The following ICA1L variants were observed in gnomAD, a reference collection of about 807,000 sequenced individuals.
The protein encoded by ICA1L is islet cell autoantigen 1 like.
ICA1L carries 50 observed loss-of-function variants against 61.3 expected under a neutral mutation model. The ratio of observed to expected loss-of-function variants is 0.82; its 90% confidence interval spans 0.65 to 1.03. ICA1L has a LOEUF of 1.03. Ranked by LOEUF, ICA1L falls within the 50% of genes least tolerant of loss-of-function variation. The probability of loss-of-function intolerance (pLI) is 0.00; values close to 1 mark genes in which losing one functional copy is unlikely to be tolerated. For synonymous variants in ICA1L, 161 were observed against 191.3 expected (o/e 0.84, Z 1.31); for missense variants, 508 against 556.7 (o/e 0.91, Z 0.88).
intron 1 of ICA1L, among the ~76,000 whole-genome samples, chr2:202,837,485 G>A (rs1694186873): frequency 6.7e-6 from 1 of 149,380 alleles, no homozygotes; most frequent in Non-Finnish European, 1.5e-5. Context: ...GGGTTTCACC[G>A]TGGTCTTGAT....
At chr2:202,785,295 A>G (rs1318411170) in intron 12 of ICA1L, among the ~76,000 whole-genome samples, 1 of 152,236 alleles carries the variant, frequency 6.6e-6, no homozygotes. Flanking sequence ...TTCTTTGTCA[A>G]TAGGCATCCT....
intron 10 of ICA1L, among the ~76,000 whole-genome samples, chr2:202,795,072 T>C (rs1189831266): frequency 6.6e-5 from 7 of 105,700 alleles, no homozygotes; most frequent in Non-Finnish European, 7.5e-5. Context: ...AGTTTCCTTT[T>C]CTTTTTTTTT....
chr2:202,828,983 T>C lies in ICA1L; in HGVS notation c.27A>G (p.Pro9=). 2.5e-6 allele frequency: 4 copies of C among 1,593,974 alleles called. No individual in the cohort carries two copies. The highest frequency in any genetic ancestry group is 8.5e-7 in the Non-Finnish European group (1 of 1,172,000). The change falls in exon 2 of 13, where the codon CCA becomes CCG. Residue 9 remains proline (P), a synonymous_variant. Coordinates refer to ENST00000358299, the MANE Select transcript of ICA1L (RefSeq NM_001288622.3). MDSFGQPR[P]EDNQSVVRRM... ...TTCTGACTACTGACTGATTATCTTC[T>C]GGTCTGGGTTGCCCAAAGGAATCCA...
intron 10 of ICA1L, among the ~76,000 whole-genome samples, chr2:202,790,892 A>G (rs1379859199): frequency 8.5e-5 from 13 of 152,244 alleles, no homozygotes; most frequent in Non-Finnish European, 5.9e-5. Context: ...TCTGACTCAG[A>G]GATTTTCCTT....
intron 1 of ICA1L, among the ~76,000 whole-genome samples, chr2:202,831,103 G>C (rs72932780): frequency 0.092 from 14,020 of 152,116 alleles, 767 homozygotes; most frequent in Non-Finnish European, 0.13. Context: ...ATAGAACAAG[G>C]ACAAGCTGTA....
Position 202,788,915 on chromosome 2 carries a change from C to T in ICA1L, c.1158G>A (p.Met386Ile), listed in dbSNP as rs1692667052. 1.2e-6 allele frequency: 2 copies of T among 1,614,112 alleles called. No individual in the cohort carries two copies. The highest frequency in any genetic ancestry group is 1.7e-6 in the Non-Finnish European group (2 of 1,180,000). ...AAGAATGAGCGAGGGGCTCAGACCC[C>T]ATGGAAGGCTCCTGGGATGTGAGAC... Reference protein sequence around the residue: ...SASLTSQEPSMGSEPLAHSSR... With the variant: ...SASLTSQEPSIGSEPLAHSSR... The change falls in exon 11 of 13, where the codon ATG becomes ATA. Residue 386 changes from methionine (M) to isoleucine (I), a missense_variant. By Grantham distance (10) the Met-to-Ile change is conservative (BLOSUM62 1). Coordinates refer to ENST00000358299, the MANE Select transcript of ICA1L (RefSeq NM_001288622.3).
At chr2:202,838,687 G>GT (rs933518501) in intron 1 of ICA1L, among the ~76,000 whole-genome samples, 1 of 152,038 alleles carries the variant, frequency 6.6e-6, no homozygotes, top group Non-Finnish European at 1.5e-5. Flanking sequence ...TCATTTTATA[G>GT]TTTTTTGACA....
chr2:202,784,288 C>A (rs536205671), intron 12 of ICA1L, among the ~76,000 whole-genome samples: 3 of 152,086 alleles, frequency 2.0e-5, no homozygotes, highest in African/African-American at 7.2e-5. Flanking sequence ...CCCATCTCTA[C>A]ACAAAAATTG....
chr2:202,826,798 A>G (rs1559139909), intron 2 of ICA1L, among the ~76,000 whole-genome samples: 1 of 151,564 alleles, frequency 6.6e-6, no homozygotes, highest in Non-Finnish European at 1.5e-5. Flanking sequence ...TACACTAAAT[A>G]ATTTTTATGT....
Position 202,849,953 on chromosome 2 carries a change from C to G in ICA1L, c.-7-20937G>C, listed in dbSNP as rs1694570867. Among the ~76,000 whole-genome samples, 1 of 152,186 alleles carries G rather than the reference C, an allele frequency of 6.6e-6. No homozygotes were observed. Among genetic ancestry groups the G allele is most frequent in the Non-Finnish European group, 1.5e-5 (1 of 68,040 alleles). The stretch of plus-strand genomic sequence containing the variant: ...GGAACAAAGCTTTCAGAGGAAGGAA[C>G]AGGCAGCAATCGTTGCTGTTCTGTA... On this transcript the variant is annotated intron_variant, in intron 1 of 12. Coordinates refer to ENST00000358299, the MANE Select transcript of ICA1L (RefSeq NM_001288622.3). This position sits in a 1 kb window ranked among gnomAD's most constrained non-coding sequence, Gnocchi z 4.5.
chr2:202,802,643 G>GA (rs934245072), intron 9 of ICA1L, among the ~76,000 whole-genome samples: 3 of 148,490 alleles, frequency 2.0e-5, no homozygotes, highest in Non-Finnish European at 4.5e-5. Context: ...CTCAAAAAAA[G>GA]AAAAAAAAAG....
At chr2:202,859,902 G>C (rs1451581472) in intron 1 of ICA1L, among the ~76,000 whole-genome samples, 1 of 152,004 alleles carries the variant, frequency 6.6e-6, no homozygotes, top group Admixed American at 6.6e-5. Context: ...AAAATGGCAG[G>C]TTTTATTATC....
Position 202,825,719 on chromosome 2 carries a change from C to T in ICA1L, c.211G>A (p.Glu71Lys), listed in dbSNP as rs747898813. The change falls in exon 3 of 13, where the codon GAG (glutamate) becomes AAG (lysine). Residue 71 changes from glutamate to lysine, a missense_variant. Coordinates refer to ENST00000358299, the MANE Select transcript of ICA1L (RefSeq NM_001288622.3). ...ETCTELLKII[E>K]KYQLRLNVIS... ...CCATTGAGTCTTAGCTGGTATTTCTCGATTATCTTCAGAAGTTCAGTGCAT... is the reference window on the plus strand; with the variant it reads ...CCATTGAGTCTTAGCTGGTATTTCTTGATTATCTTCAGAAGTTCAGTGCAT... 25 of 1,567,990 alleles carry T rather than the reference C, an allele frequency of 1.6e-5. No homozygotes were observed. The highest frequency in any genetic ancestry group is 1.1e-4 in the East Asian group (5 of 44,266).
At chr2:202,814,108 A>G (rs1291801722) in intron 8 of ICA1L, among the ~76,000 whole-genome samples, 1 of 152,194 alleles carries the variant, frequency 6.6e-6, no homozygotes, top group Admixed American at 6.5e-5. Flanking sequence ...ATGGAAAAAT[A>G]TATATAAGGT....
At chr2:202,781,366 A>G (rs1257635309) in intron 12 of ICA1L, among the ~76,000 whole-genome samples, 4 of 151,970 alleles carry the variant, frequency 2.6e-5, no homozygotes, top group Non-Finnish European at 4.4e-5. Context: ...TGAGGTCAGG[A>G]GTTCGAGACG....
At chr2:202,809,230 G>C (rs1459420430) in intron 9 of ICA1L, among the ~76,000 whole-genome samples, 1 of 151,916 alleles carries the variant, frequency 6.6e-6, no homozygotes, top group Non-Finnish European at 1.5e-5. Flanking sequence ...AGAAATTCCA[G>C]AGTTGAAAAA....
intron 1 of ICA1L, chr2:202,841,650 C>A: frequency 1.7e-6 from 1 of 590,272 alleles, no homozygotes. Flanking sequence ...CTGCTGCCCA[C>A]TCGGGAGAAG....
chr2:202,786,495 G>C (rs994009442), intron 11 of ICA1L, among the ~76,000 whole-genome samples: 3 of 152,098 alleles, frequency 2.0e-5, no homozygotes, highest in Admixed American at 6.6e-5. Context: ...CTTGCAGTGA[G>C]CCGAGATTGC....
chr2:202,866,514 G>A (rs1388026992), intron 1 of ICA1L, among the ~76,000 whole-genome samples: 8 of 152,290 alleles, frequency 5.3e-5, no homozygotes, highest in African/African-American at 1.9e-4. Flanking sequence ...CAATTCATTG[G>A]TGGAAAGGAC....
Sources: gnomAD v4.1 joint callset for allele counts (sites outside exome capture counted in the v4.1 genomes callset) on GRCh38, gnomAD v4.1.1 for gene constraint, Gnocchi (gnomAD v3.1) non-coding constraint, MANE v1.5 for transcripts, NCBI Gene and HGNC (gene_info 2026-07-23, HGNC 2026-07-21) for gene names.